EDARADD: variants seen among roughly 807,000 people sequenced by gnomAD.
EDARADD encodes the protein EDAR associated via death domain, also known as ectodysplasin-A receptor-associated adapter protein.
A neutral mutation model predicts 25.6 loss-of-function variants in EDARADD; 20 were observed. That is an observed-to-expected ratio of 0.78 (90% CI 0.55 to 1.14). The LOEUF is 1.14. Ranked by LOEUF, EDARADD falls within the 50% of genes most tolerant of loss-of-function variation. EDARADD has a pLI of 0.00. For synonymous variants in EDARADD, 86 were observed against 94.4 expected (o/e 0.91, Z 0.52); for missense variants, 225 against 270.1 (o/e 0.83, Z 1.17).
At chr1:236,392,985 A>C (rs559905955), upstream of EDARADD, among the ~76,000 whole-genome samples, 1 of 152,298 alleles carries the variant, frequency 6.6e-6, no homozygotes, top group African/African-American at 2.4e-5. Context: ...GGGTCTCAAA[A>C]TGTTGCATAG....
At chr1:236,405,731 TTC>T (rs1057410063) in intron 1 of EDARADD, among the ~76,000 whole-genome samples, 4 of 28,834 alleles carry the variant, frequency 1.4e-4, no homozygotes, top group South Asian at 1.4e-3. Flanking sequence ...TTCTTTTTCT[TTC>T]TTTCTTTCTT....
chr1:236,417,492 G>A (rs1270094799), intron 3 of EDARADD, among the ~76,000 whole-genome samples: 1 of 152,168 alleles, frequency 6.6e-6, no homozygotes, highest in African/African-American at 2.4e-5. Flanking sequence ...GGTGAAATGT[G>A]TTGATATAAA....
At chr1:236,421,489 CTTTTTT>C (rs34922732) in intron 3 of EDARADD, among the ~76,000 whole-genome samples, 4 of 75,448 alleles carry the variant, frequency 5.3e-5, no homozygotes, top group South Asian at 1.0e-3. Flanking sequence ...CTTCCCAGTT[CTTTTTT>C]TTTTTTTTTT....
intron 1 of EDARADD, among the ~76,000 whole-genome samples, chr1:236,403,448 C>T (rs1037205264): frequency 2.6e-5 from 4 of 151,788 alleles, no homozygotes; most frequent in African/African-American, 4.8e-5. Flanking sequence ...CCACCATGCC[C>T]GGCTAATTTT....
intron 4 of EDARADD, among the ~76,000 whole-genome samples, chr1:236,441,782 G>A (rs1026709623): frequency 2.0e-5 from 3 of 151,802 alleles, no homozygotes; most frequent in South Asian, 2.1e-4. Flanking sequence ...CACCTGTCTC[G>A]GCCTCCCAAA....
At chr1:236,370,532 G>A (rs1667162542) in intron 3 of EDARADD, among the ~76,000 whole-genome samples, 1 of 152,320 alleles carries the variant, frequency 6.6e-6, no homozygotes, top group African/African-American at 2.4e-5. Context: ...AGCATTTGGG[G>A]AACAGAGTTT....
intron 4 of EDARADD, among the ~76,000 whole-genome samples, chr1:236,437,389 C>T (rs985234885): frequency 1.3e-5 from 2 of 152,110 alleles, no homozygotes; most frequent in Non-Finnish European, 2.9e-5. Flanking sequence ...TGATGTCCCA[C>T]ACCCTGGAAA....
chr1:236,385,427 AAAAATG>A (rs1667341664), intron 3 of EDARADD, among the ~76,000 whole-genome samples: 2 of 16,790 alleles, frequency 1.2e-4, no homozygotes, highest in African/African-American at 1.7e-4. Context: ...AAAAAAAAAA[AAAAATG>A]CTCTTCCAGG....
At chr1:236,356,963 A>G (rs1431372892) in intron 3 of EDARADD, among the ~76,000 whole-genome samples, 1 of 152,094 alleles carries the variant, frequency 6.6e-6, no homozygotes, top group Non-Finnish European at 1.5e-5. Context: ...GCATGCCTGT[A>G]ATCCCAGCTA....
chr1:236,483,541 AG>A lies in EDARADD; in HGVS notation c.*897del. The A allele has an allele frequency of 8.8e-7, 1 of 1,131,686 alleles. No individual in the cohort carries two copies. The highest frequency in any genetic ancestry group is 1.3e-6 in the Non-Finnish European group (1 of 742,558). The allele number at this position is 1,131,686 out of a possible 1,614,324, so 70.1% of individuals were successfully genotyped here. A position where few individuals can be genotyped will look rare whatever the true frequency, so the allele number is the denominator to read the frequency against. ...GCCTGCAAAGCTAGTGCTGTTGAGA[AG>A]GGGGTTCCCCTGTACCACCACATCG... On this transcript the variant is annotated 3_prime_UTR_variant, in exon 6 of 6. Coordinates refer to ENST00000334232, the MANE Select transcript of EDARADD (RefSeq NM_145861.4).
intron 5 of EDARADD, among the ~76,000 whole-genome samples, chr1:236,469,728 A>G (rs906635037): frequency 4.6e-5 from 7 of 152,098 alleles, no homozygotes; most frequent in African/African-American, 1.7e-4. Flanking sequence ...AAATACACCA[A>G]TACCAACATG....
chr1:236,471,835 T>G (rs569891776), intron 5 of EDARADD, among the ~76,000 whole-genome samples: 5 of 152,304 alleles, frequency 3.3e-5, no homozygotes, highest in African/African-American at 1.2e-4. Context: ...GGGAGGCACA[T>G]TAAGTCAGTC....
intron 4 of EDARADD, among the ~76,000 whole-genome samples, chr1:236,448,249 T>G (rs1269658356): frequency 1.3e-5 from 2 of 152,238 alleles, no homozygotes; most frequent in African/African-American, 4.8e-5. Context: ...CCTAGGGCTT[T>G]CCCAGCACAG....
At chr1:236,377,356 A>G (rs1044356847) in intron 3 of EDARADD, among the ~76,000 whole-genome samples, 1 of 149,466 alleles carries the variant, frequency 6.7e-6, no homozygotes, top group Non-Finnish European at 1.5e-5. Context: ...GGTTTTTGCC[A>G]TGTCGGCCAG....
At position 236,482,264 on chromosome 1, in the gene EDARADD, CAG is replaced by C; in HGVS notation, c.267_268del. On this transcript the variant is annotated splice_acceptor_variant, in intron 5 of 5. Transcript: ENST00000334232. LOFTEE classifies it high-confidence loss of function. ...CTGTGGACTAAATTGTTTCTCCCTGCAGAGATCAGCAAGGACAACTCCTGCAA... is the reference window on the plus strand; with the variant it reads ...CTGTGGACTAAATTGTTTCTCCCTGCAGATCAGCAAGGACAACTCCTGCAA... 1 of 1,614,140 alleles carries C rather than the reference CAG, an allele frequency of 6.2e-7. No homozygotes were observed. Among genetic ancestry groups the C allele is most frequent in the African/African-American group, 1.3e-5 (1 of 75,024 alleles).
chr1:236,421,820 C>T (rs1261414125), intron 3 of EDARADD, among the ~76,000 whole-genome samples: 2 of 152,086 alleles, frequency 1.3e-5, no homozygotes, highest in Non-Finnish European at 2.9e-5. Context: ...GTCAAGGCAG[C>T]ACATAAATTG....
At chr1:236,399,240 G>A (rs1400135191) in intron 1 of EDARADD, among the ~76,000 whole-genome samples, 10 of 152,172 alleles carry the variant, frequency 6.6e-5, no homozygotes, top group East Asian at 1.9e-4. Flanking sequence ...GGAGTGCAAT[G>A]ATGCGATCTT....
chr1:236,411,623 A>G (rs1657487367), intron 2 of EDARADD, among the ~76,000 whole-genome samples: 1 of 150,686 alleles, frequency 6.6e-6, no homozygotes, highest in Non-Finnish European at 1.5e-5. Flanking sequence ...ATCTCGGCTC[A>G]CTGCAACCTC....
intron 3 of EDARADD, among the ~76,000 whole-genome samples, chr1:236,385,771 C>A (rs1200130307): frequency 1.3e-5 from 2 of 151,928 alleles, no homozygotes; most frequent in Non-Finnish European, 2.9e-5. Context: ...TTAAGAGATT[C>A]TCTTGTATTC....
Sources: allele counts gnomAD v4.1 joint callset (sites outside exome capture counted in the v4.1 genomes callset), GRCh38; gene constraint gnomAD v4.1.1; transcripts MANE v1.5; gene names NCBI Gene and HGNC (gene_info 2026-07-23, HGNC 2026-07-21).